Variants in CEP128 observed in about 807,000 individuals in gnomAD.
CEP128 encodes centrosomal protein 128.
A neutral mutation model predicts 156.7 loss-of-function variants in CEP128; 132 were observed. The ratio of observed to expected loss-of-function variants is 0.84; its 90% CI spans 0.73 to 0.97. The LOEUF (loss-of-function observed/expected upper bound fraction) is 0.97. Ranked by LOEUF, CEP128 falls within the 50% of genes least tolerant of loss-of-function variation. CEP128 has a pLI of 0.00. For synonymous variants in CEP128, 469 were observed against 448.9 expected (o/e 1.04, Z -0.57); for missense variants, 1,252 against 1,281.9 (o/e 0.98, Z 0.36).
intron 2 of CEP128, among the ~76,000 whole-genome samples, chr14:80,925,306 C>T (rs1885086017): frequency 6.6e-6 from 1 of 151,052 alleles, no homozygotes; most frequent in South Asian, 2.1e-4. Flanking sequence ...CTCCAACATA[C>T]AAAAGGCAGA....
downstream of CEP128, among the ~76,000 whole-genome samples, chr14:80,488,010 A>G (rs1887207773): frequency 6.6e-6 from 1 of 150,618 alleles, no homozygotes; most frequent in Non-Finnish European, 1.5e-5. Flanking sequence ...AGCAGAAGGC[A>G]AGAAATAACT....
chr14:80,820,293 AGTTT>A (rs1885095148), intron 13 of CEP128, among the ~76,000 whole-genome samples: 1 of 152,174 alleles, frequency 6.6e-6, no homozygotes, highest in East Asian at 1.9e-4. Flanking sequence ...TATGCCAGTT[AGTTT>A]GATTGAATGC....
At chr14:80,911,888 G>A (rs1277356293) in intron 4 of CEP128, among the ~76,000 whole-genome samples, 1 of 152,148 alleles carries the variant, frequency 6.6e-6, no homozygotes, top group East Asian at 1.9e-4. Flanking sequence ...CAACTCAGAT[G>A]GAAATACCTG....
At chr14:80,598,919 C>T (rs1892458779) in intron 19 of CEP128, among the ~76,000 whole-genome samples, 1 of 152,088 alleles carries the variant, frequency 6.6e-6, no homozygotes, top group Non-Finnish European at 1.5e-5. Context: ...AATATAAAAA[C>T]ATGGTAGATC....
chr14:80,741,203 G>A (rs1898814892), intron 19 of CEP128, among the ~76,000 whole-genome samples: 2 of 152,076 alleles, frequency 1.3e-5, no homozygotes, highest in African/African-American at 4.8e-5. Context: ...CTAGCATTTT[G>A]TACAGCAAGA....
chr14:80,478,399 A>T (rs1886987143), exon 15 of CEP128: 1 of 152,152 alleles, frequency 6.6e-6, no homozygotes, highest in African/African-American at 2.4e-5. Flanking sequence ...ATGCTATTTA[A>T]AACACCCTCT....
intron 21 of CEP128, among the ~76,000 whole-genome samples, chr14:80,538,992 C>T (rs1889615478): frequency 6.6e-6 from 1 of 152,180 alleles, no homozygotes; most frequent in Non-Finnish European, 1.5e-5. Context: ...CCCCAGCATT[C>T]CACCAAAGTG....
chr14:80,721,631 T>C (rs1454494444), intron 19 of CEP128, among the ~76,000 whole-genome samples: 4 of 152,228 alleles, frequency 2.6e-5, no homozygotes, highest in African/African-American at 9.6e-5. Context: ...TTTAAAACTA[T>C]ACATGTAGCT....
chr14:80,484,065 C>T (rs968302510), intron 14 of CEP128, among the ~76,000 whole-genome samples: 4 of 152,076 alleles, frequency 2.6e-5, no homozygotes, highest in African/African-American at 7.2e-5. Context: ...CAGCCTTGAC[C>T]TCCAGGGCTC....
chr14:80,773,502 A>G (rs1900625878), intron 16 of CEP128, among the ~76,000 whole-genome samples: 2 of 152,114 alleles, frequency 1.3e-5, no homozygotes, highest in Non-Finnish European at 2.9e-5. Context: ...ATTAAAATCA[A>G]TTTTTTAAAT....
At chr14:80,656,549 C>T (rs1895182141) in intron 19 of CEP128, among the ~76,000 whole-genome samples, 1 of 151,400 alleles carries the variant, frequency 6.6e-6, no homozygotes, top group South Asian at 2.1e-4. Flanking sequence ...AAAGTTTATA[C>T]CCCTCTTAAC....
chr14:80,929,453 G>A lies in CEP128; in HGVS notation c.-16+9932C>T, dbSNP rs191151073. Among the ~76,000 whole-genome samples, 259 of 152,274 alleles carry A rather than the reference G, an allele frequency of 1.7e-3. 3 individuals carry two copies. Among genetic ancestry groups the A allele is most frequent in the African/African-American group, 6.0e-3 (248 of 41,550 alleles). On this transcript the variant is annotated intron_variant, in intron 2 of 24. Transcript: ENST00000555265. ...TCACAGCACAATTCACAATTGCAACGATATGGAATCAACCTAAGTGCCCAT... is the reference window on the plus strand; with the variant it reads ...TCACAGCACAATTCACAATTGCAACAATATGGAATCAACCTAAGTGCCCAT...
chr14:80,716,254 G>A (rs1897600959), intron 19 of CEP128, among the ~76,000 whole-genome samples: 1 of 152,144 alleles, frequency 6.6e-6, no homozygotes, highest in East Asian at 1.9e-4. Context: ...TCCATTTAAA[G>A]TGTACAACCT....
rs1886186462 is a variant in CEP128 at position 80,838,283 on chromosome 14, A to C, written c.850-5T>G. 1.2e-6 allele frequency: 2 copies of C among 1,609,374 alleles called. No homozygotes were observed. Among genetic ancestry groups the C allele is most frequent in the Non-Finnish European group, 1.7e-6 (2 of 1,176,588 alleles). On this transcript the variant is annotated splice_polypyrimidine_tract_variant and splice_region_variant and intron_variant, in intron 10 of 24. Coordinates refer to ENST00000555265, the MANE Select transcript of CEP128 (RefSeq NM_152446.5). Reference sequence around the variant, plus strand: ...TAGCTCCAATTCCTGTTCAAGCTAGAGTTTCAACAAAGGATAAAGAAAAAT... The same window carrying C: ...TAGCTCCAATTCCTGTTCAAGCTAGCGTTTCAACAAAGGATAAAGAAAAAT...
intron 19 of CEP128, among the ~76,000 whole-genome samples, chr14:80,695,944 A>G (rs1896879258): frequency 6.6e-6 from 1 of 152,178 alleles, no homozygotes; most frequent in African/African-American, 2.4e-5. Context: ...TTCTTTATGA[A>G]TTAAACTCAA....
chr14:80,569,737 G>A (rs1891059486), intron 20 of CEP128, among the ~76,000 whole-genome samples: 1 of 152,088 alleles, frequency 6.6e-6, no homozygotes, highest in Non-Finnish European at 1.5e-5. Context: ...TGTTTTTATA[G>A]GCCCATGAAC....
At chr14:80,614,377 C>T (rs1893127977) in intron 19 of CEP128, among the ~76,000 whole-genome samples, 2 of 152,120 alleles carry the variant, frequency 1.3e-5, no homozygotes, top group Admixed American at 6.5e-5. Flanking sequence ...GGCTTACCCC[C>T]TTCCTTTGGC....
chr14:80,629,060 A>G (rs1817389303), intron 19 of CEP128, among the ~76,000 whole-genome samples: 1 of 152,086 alleles, frequency 6.6e-6, no homozygotes, highest in Non-Finnish European at 1.5e-5. Flanking sequence ...TAAGAAAAAA[A>G]AAAAAAACAA....
rs1230518374 is a variant in CEP128 at position 80,559,267 on chromosome 14, G to A, written c.2880+12C>T. On this transcript the variant is annotated intron_variant, in intron 21 of 24. Coordinates refer to ENST00000555265, the MANE Select transcript of CEP128 (RefSeq NM_152446.5). ...ATTCTGATAAAAGGAGAAAGAAAAT[G>A]CCCCAACTTACCGTTTCTAATGCAA... The A allele has an allele frequency of 6.2e-7, 1 of 1,603,906 alleles. No homozygotes were observed. Among genetic ancestry groups the A allele is most frequent in the Non-Finnish European group, 8.5e-7 (1 of 1,174,412 alleles).
Sources: gnomAD v4.1 joint callset for allele counts (sites outside exome capture counted in the v4.1 genomes callset) on GRCh38, gnomAD v4.1.1 for gene constraint, MANE v1.5 for transcripts, NCBI Gene and HGNC (gene_info 2026-07-23, HGNC 2026-07-21) for gene names.